The following CEP128 variants were observed in gnomAD, a reference collection of about 807,000 sequenced individuals.
CEP128 encodes centrosomal protein 128kDa.
In CEP128, 132 loss-of-function variants were observed where a neutral mutation model predicts 156.7. That is an observed-to-expected ratio of 0.84 (90% CI 0.73 to 0.97). The LOEUF (loss-of-function observed/expected upper bound fraction) is 0.97, where lower values mean the gene tolerates loss of function less well. Among genes scored for constraint, CEP128 ranks in the 50% least tolerant of loss-of-function variants. The pLI, the probability that CEP128 is intolerant of heterozygous loss-of-function variation, is 0.00. For missense variants in CEP128, 1,252 were observed against 1,281.9 expected, an observed-to-expected ratio of 0.98 and a Z score of 0.36; for synonymous variants, 469 against 448.9, an observed-to-expected ratio of 1.04 and a Z score of -0.57.
At chr14:80,896,085 G>T (rs1555360913) in intron 7 of CEP128, among the ~76,000 whole-genome samples, 1 of 152,094 alleles carries the variant, frequency 6.6e-6, no homozygotes, top group Non-Finnish European at 1.5e-5. Flanking sequence ...TTTGAGAACC[G>T]CTGCTACGCT....
chr14:80,830,253 C>G, intron 13 of CEP128: 1 of 638,804 alleles, frequency 1.6e-6, no homozygotes, highest in Non-Finnish European at 2.8e-6. Context: ...AAATCTTGAA[C>G]CAAATTTAAA....
intron 2 of CEP128, among the ~76,000 whole-genome samples, chr14:80,950,984 A>G (rs1245336116): frequency 1.3e-5 from 2 of 152,100 alleles, no homozygotes; most frequent in African/African-American, 4.8e-5. Flanking sequence ...AAACAATGCA[A>G]GCAACAAGAA....
intron 16 of CEP128, among the ~76,000 whole-genome samples, chr14:80,765,972 T>C (rs1900218222): frequency 6.6e-6 from 1 of 152,172 alleles, no homozygotes; most frequent in Admixed American, 6.5e-5. Context: ...AGGACTAATG[T>C]CCTAAAGTAG....
intron 19 of CEP128, among the ~76,000 whole-genome samples, chr14:80,642,810 C>T (rs909493023): frequency 2.0e-5 from 3 of 151,264 alleles, no homozygotes; most frequent in South Asian, 2.1e-4. Context: ...GGCTGGAATG[C>T]GGCGGCGCGA....
chr14:80,629,126 T>C (rs1202126786), intron 19 of CEP128, among the ~76,000 whole-genome samples: 1 of 145,504 alleles, frequency 6.9e-6, no homozygotes, highest in Non-Finnish European at 1.5e-5. Flanking sequence ...TTTCTACAAT[T>C]CACTACTTTC....
chr14:80,695,203 G>T (rs1180548624), intron 19 of CEP128, among the ~76,000 whole-genome samples: 1 of 148,190 alleles, frequency 6.7e-6, no homozygotes, highest in Non-Finnish European at 1.5e-5. Context: ...AAATAGAAAA[G>T]AAAAGAAAAA....
chr14:80,569,078 T>C (rs767082484), intron 20 of CEP128, among the ~76,000 whole-genome samples: 19 of 152,228 alleles, frequency 1.2e-4, no homozygotes, highest in Non-Finnish European at 2.1e-4. Flanking sequence ...TGAAAAAGAG[T>C]TGGAAAGCTC....
chr14:80,541,106 A>G (rs12886241), intron 21 of CEP128, among the ~76,000 whole-genome samples: 17,770 of 152,206 alleles, frequency 0.12, 1,342 homozygotes, highest in East Asian at 0.34. Flanking sequence ...CAGCTTTGAC[A>G]TTACCAGTTG....
chr14:80,688,009 G>T (rs1379555999), intron 19 of CEP128, among the ~76,000 whole-genome samples: 1 of 151,966 alleles, frequency 6.6e-6, no homozygotes, highest in African/African-American at 2.4e-5. Context: ...TCTGATAGTT[G>T]CTTCATGTTA....
chr14:80,551,276 T>C (rs192982569), intron 21 of CEP128, among the ~76,000 whole-genome samples: 229 of 152,370 alleles, frequency 1.5e-3, no homozygotes, highest in African/African-American at 5.2e-3. Context: ...TCAAGATTTA[T>C]CACGTAACTG....
intron 9 of CEP128, among the ~76,000 whole-genome samples, chr14:80,846,036 C>T (rs559442899): frequency 1.7e-4 from 26 of 152,278 alleles, no homozygotes; most frequent in African/African-American, 4.6e-4. Context: ...ATAGCATTAA[C>T]GGCATTAAAT....
chr14:80,934,769 T>C (rs577897008), intron 2 of CEP128, among the ~76,000 whole-genome samples: 18 of 152,276 alleles, frequency 1.2e-4, no homozygotes, highest in African/African-American at 4.3e-4. Flanking sequence ...TCTAAATAAA[T>C]AGGAGACCCC....
At chr14:80,750,659 T>C in intron 18 of CEP128, among the ~76,000 whole-genome samples, 1 of 152,180 alleles carries the variant, frequency 6.6e-6, no homozygotes, top group East Asian at 1.9e-4. Flanking sequence ...CTTTGTGTAA[T>C]TACTACCTAT....
At chr14:80,789,431 C>T (rs772644060) in intron 14 of CEP128, among the ~76,000 whole-genome samples, 8 of 152,082 alleles carry the variant, frequency 5.3e-5, no homozygotes, top group Non-Finnish European at 1.0e-4. Flanking sequence ...ATTTCAGTGA[C>T]GGTCACTATA....
intron 23 of CEP128, among the ~76,000 whole-genome samples, chr14:80,515,573 C>T (rs143569724): frequency 3.3e-5 from 5 of 152,252 alleles, no homozygotes; most frequent in East Asian, 1.9e-4. Context: ...ATTCAGGTTG[C>T]GGTGAATGCT....
At chr14:80,753,837 A>T (rs987875108) in intron 18 of CEP128, among the ~76,000 whole-genome samples, 8 of 152,166 alleles carry the variant, frequency 5.3e-5, no homozygotes, top group Non-Finnish European at 4.4e-5. Flanking sequence ...AAAATCCTGG[A>T]AATCTCTTTC....
At position 80,902,835 on chromosome 14, in the gene CEP128, CA is replaced by C. The variant is rs1347017991; in HGVS notation, c.480+1977del. Among the ~76,000 whole-genome samples the C allele has an allele frequency of 2.0e-5, 3 of 152,156 alleles. No individual in the cohort carries two copies. The East Asian group carries it at 5.8e-4, about 29-fold the overall frequency. On this transcript the variant is annotated intron_variant, in intron 6 of 24. Coordinates refer to ENST00000555265, the MANE Select transcript of CEP128 (RefSeq NM_152446.5). ...CCAAACTTAGTAAAATAGAAAGTAGCAGACTTAGCAGGGCTTACAAAAAATG... is the reference window on the plus strand; with the variant it reads ...CCAAACTTAGTAAAATAGAAAGTAGCGACTTAGCAGGGCTTACAAAAAATG...
At chr14:80,650,002 T>G (rs1171685525) in intron 19 of CEP128, among the ~76,000 whole-genome samples, 3 of 152,170 alleles carry the variant, frequency 2.0e-5, no homozygotes, top group Non-Finnish European at 4.4e-5. Flanking sequence ...TAAATTACTT[T>G]GGGCAGTATG....
At chr14:80,759,944 A>G (rs1223962550) in intron 17 of CEP128, among the ~76,000 whole-genome samples, 4 of 151,990 alleles carry the variant, frequency 2.6e-5, no homozygotes, top group South Asian at 4.1e-4. Flanking sequence ...ATACATATAT[A>G]TATCTTACAA....
Sources: allele counts gnomAD v4.1 joint callset (sites outside exome capture counted in the v4.1 genomes callset), GRCh38; gene constraint gnomAD v4.1.1; transcripts MANE v1.5; gene names NCBI Gene and HGNC (gene_info 2026-07-23, HGNC 2026-07-21).